Variants in PCDH15 observed in about 807,000 individuals in gnomAD.
The protein encoded by PCDH15 is protocadherin related 15, also known as protocadherin-15.
PCDH15 carries 129 observed loss-of-function variants against 178.5 expected under a neutral mutation model. That is an observed-to-expected ratio of 0.72 (90% confidence interval 0.63 to 0.84). The LOEUF (loss-of-function observed/expected upper bound fraction) is 0.84, where lower values mean the gene tolerates loss of function less well. Ranked by LOEUF, PCDH15 falls within the 40% of genes least tolerant of loss-of-function variation. The pLI is 0.00. For missense variants in PCDH15, 2,230 were observed against 2,099.9 expected, an observed-to-expected ratio of 1.06 and a Z score of -1.21; for synonymous variants, 800 against 732.0, an observed-to-expected ratio of 1.09 and a Z score of -1.50.
intron 2 of PCDH15, among the ~76,000 whole-genome samples, chr10:55,589,493 C>T (rs1329953841): frequency 6.6e-6 from 1 of 151,852 alleles, no homozygotes; most frequent in Non-Finnish European, 1.5e-5. Flanking sequence ...AGCTTCTGCA[C>T]AGCAAAAGAA....
chr10:54,860,547 C>T (rs991288723), intron 3 of PCDH15, among the ~76,000 whole-genome samples: 2 of 152,066 alleles, frequency 1.3e-5, no homozygotes, highest in South Asian at 2.1e-4. Flanking sequence ...TTTTCCAATC[C>T]ACCTCTGATG....
At chr10:54,040,427 T>C (rs1010992511) in intron 18 of PCDH15, among the ~76,000 whole-genome samples, 1 of 152,128 alleles carries the variant, frequency 6.6e-6, no homozygotes. Flanking sequence ...TTTTACTTTC[T>C]GCCATGATTG....
intron 2 of PCDH15, among the ~76,000 whole-genome samples, chr10:54,625,333 T>G (rs916833914): frequency 6.6e-6 from 1 of 152,160 alleles, no homozygotes; most frequent in Non-Finnish European, 1.5e-5. Flanking sequence ...AGTTTCCTAA[T>G]GTAAATTCTC....
At chr10:53,819,087 G>C (rs1308661011) in intron 33 of PCDH15, among the ~76,000 whole-genome samples, 1 of 151,936 alleles carries the variant, frequency 6.6e-6, no homozygotes, top group African/African-American at 2.4e-5. Flanking sequence ...ATATTTATAA[G>C]ACTGATAATT....
At chr10:54,953,421 G>A (rs1270512494) in intron 2 of PCDH15, among the ~76,000 whole-genome samples, 1 of 151,420 alleles carries the variant, frequency 6.6e-6, no homozygotes, top group African/African-American at 2.4e-5. Flanking sequence ...CAATTTGCTA[G>A]TATTTTGTTG....
intron 3 of PCDH15, among the ~76,000 whole-genome samples, chr10:54,510,057 T>C (rs1225967954): frequency 6.6e-6 from 1 of 152,218 alleles, no homozygotes; most frequent in East Asian, 1.9e-4. Context: ...ATCCTTGGCA[T>C]AAATATACTT....
chr10:55,478,937 T>TA (rs36113145), intron 2 of PCDH15, among the ~76,000 whole-genome samples: 1,798 of 137,462 alleles, frequency 0.013, 11 homozygotes, highest in South Asian at 0.022. Context: ...ATCACAAAGA[T>TA]AAAAAAAAAA....
At chr10:54,907,206 C>A (rs1954739475) in intron 2 of PCDH15, among the ~76,000 whole-genome samples, 1 of 152,046 alleles carries the variant, frequency 6.6e-6, no homozygotes, top group Non-Finnish European at 1.5e-5. Context: ...AACAAGAAAG[C>A]AAAATTAATG....
chr10:53,979,501 A>C (rs2090448522), intron 21 of PCDH15, among the ~76,000 whole-genome samples: 1 of 152,196 alleles, frequency 6.6e-6, no homozygotes, highest in South Asian at 2.1e-4. Flanking sequence ...GAATTTATTT[A>C]TCTAAGAATG....
At chr10:54,628,655 G>A (rs1299949704) in intron 2 of PCDH15, among the ~76,000 whole-genome samples, 2 of 152,182 alleles carry the variant, frequency 1.3e-5, no homozygotes, top group South Asian at 2.1e-4. Context: ...TCAGTTTATG[G>A]TAGAGTAACC....
At chr10:55,601,939 G>A (rs552494498) in intron 2 of PCDH15, among the ~76,000 whole-genome samples, 8 of 152,222 alleles carry the variant, frequency 5.3e-5, no homozygotes, top group Admixed American at 2.0e-4. Flanking sequence ...CGTGAGCGAC[G>A]CAGAAGACGG....
At chr10:54,468,888 A>G (rs2077706095) in intron 3 of PCDH15, among the ~76,000 whole-genome samples, 2 of 152,090 alleles carry the variant, frequency 1.3e-5, no homozygotes, top group South Asian at 4.1e-4. Flanking sequence ...TTATTCCTTT[A>G]TAATTGTATA....
At chr10:54,627,158 C>T (rs562136852) in intron 2 of PCDH15, among the ~76,000 whole-genome samples, 2 of 152,070 alleles carry the variant, frequency 1.3e-5, no homozygotes, top group Admixed American at 6.6e-5. Flanking sequence ...AGGCAGAAGG[C>T]CCTTGCCTTG....
At chr10:55,020,600 A>G (rs1264246978) in intron 2 of PCDH15, among the ~76,000 whole-genome samples, 2 of 152,152 alleles carry the variant, frequency 1.3e-5, no homozygotes, top group African/African-American at 4.8e-5. Flanking sequence ...AAAGGGAAAT[A>G]CATCTTGGGA....
chr10:55,109,518 A>G (rs1837444974), intron 2 of PCDH15, among the ~76,000 whole-genome samples: 1 of 152,180 alleles, frequency 6.6e-6, no homozygotes, highest in Non-Finnish European at 1.5e-5. Flanking sequence ...AAGGGAAATC[A>G]GTATTAAATG....
In PCDH15 at chr10:54,567,998, A is replaced by G. The variant is rs941801392; in HGVS notation, c.92-40121T>C. On this transcript the variant is annotated intron_variant, in intron 2 of 37. Coordinates refer to ENST00000644397, the MANE Select transcript of PCDH15 (RefSeq NM_001384140.1). ...ACGTATACTTATCTAACACATAAGTATACTTATAAAAAAATAAAACCTTGG... is the reference window on the plus strand; with the variant it reads ...ACGTATACTTATCTAACACATAAGTGTACTTATAAAAAAATAAAACCTTGG... Among the ~76,000 whole-genome samples the G allele has an allele frequency of 3.9e-5, 6 of 152,336 alleles. No individual in the cohort carries two copies. In the South Asian group the frequency reaches 1.2e-3, roughly 32 times the overall value.
chr10:54,846,461 C>G (rs563995116), intron 3 of PCDH15, among the ~76,000 whole-genome samples: 1 of 152,102 alleles, frequency 6.6e-6, no homozygotes, highest in South Asian at 2.1e-4. Flanking sequence ...ATATTAGGGC[C>G]TGATTCTTCT....
intron 2 of PCDH15, among the ~76,000 whole-genome samples, chr10:55,501,109 A>G (rs1840647094): frequency 6.6e-6 from 1 of 151,280 alleles, no homozygotes; most frequent in Non-Finnish European, 1.5e-5. Flanking sequence ...TGTCCTTTTA[A>G]GAAGAGAAGA....
intron 13 of PCDH15, among the ~76,000 whole-genome samples, chr10:54,166,317 T>A (rs897757222): frequency 6.6e-6 from 1 of 152,214 alleles, no homozygotes; most frequent in Admixed American, 6.5e-5. Context: ...GAAGGATTAT[T>A]TCTTGCAAAA....
Sources: allele counts gnomAD v4.1 joint callset (sites outside exome capture counted in the v4.1 genomes callset), GRCh38; gene constraint gnomAD v4.1.1; transcripts MANE v1.5; gene names NCBI Gene and HGNC (gene_info 2026-07-23, HGNC 2026-07-21).